MCTP2: variants seen among roughly 807,000 people sequenced by gnomAD.
MCTP2 encodes multiple C2 and transmembrane domain-containing protein 2.
Under a neutral mutation model 111.6 loss-of-function variants are expected in MCTP2, and 132 were observed. The observed-to-expected ratio is 1.18, with a 90% CI of 1.03 to 1.37. MCTP2 has a LOEUF of 1.37. Ranked by LOEUF, MCTP2 falls within the 40% of genes most tolerant of loss-of-function variation. MCTP2 has a pLI of 0.00. For missense variants in MCTP2, 1,183 were observed against 1,067.9 expected (o/e 1.11, Z -1.50); for synonymous variants, 395 against 387.7 (o/e 1.02, Z -0.22).
In MCTP2 at chr15:94,281,884, G is replaced by A. The variant is rs532729319; in HGVS notation, c.-65-16317G>A. The stretch of plus-strand genomic sequence containing the variant: ...TTTTTCATATACTGAATATAGGCCC[G>A]CAATTATTTCTACTGAAAGGCCCAT... On this transcript the variant is annotated intron_variant, in intron 1 of 22. Transcript: ENST00000357742. 1.5e-3 allele frequency among the ~76,000 whole-genome samples: 225 copies of A among 151,942 alleles called. 1 individual carries two copies. The highest frequency in any genetic ancestry group is 5.1e-3 in the African/African-American group (211 of 41,440).
chr15:94,379,211 A>G (rs958048224), intron 12 of MCTP2, among the ~76,000 whole-genome samples: 4 of 151,924 alleles, frequency 2.6e-5, no homozygotes, highest in Non-Finnish European at 5.9e-5. Flanking sequence ...CAGCCTAGTG[A>G]AGTTAGGAGT....
At chr15:94,248,110 G>A (rs1333933874) in intron 1 of MCTP2, among the ~76,000 whole-genome samples, 1 of 152,182 alleles carries the variant, frequency 6.6e-6, no homozygotes, top group Non-Finnish European at 1.5e-5. Flanking sequence ...ACACTAGAAG[G>A]TCAGGATTAG....
chr15:94,400,955 A>C (rs536028582), intron 16 of MCTP2, among the ~76,000 whole-genome samples: 2 of 152,232 alleles, frequency 1.3e-5, no homozygotes, highest in Non-Finnish European at 2.9e-5. Context: ...GTGTAATCTG[A>C]GTAAATGTCT....
At chr15:94,326,823 C>A (rs184122643) in intron 4 of MCTP2, among the ~76,000 whole-genome samples, 1,055 of 98,962 alleles carry the variant, frequency 0.011, 169 homozygotes, top group Non-Finnish European at 0.016. Context: ...GCCCCACCCC[C>A]CCCCAACCTC....
At chr15:94,306,962 C>T (rs554576230) in intron 2 of MCTP2, among the ~76,000 whole-genome samples, 43 of 152,256 alleles carry the variant, frequency 2.8e-4, no homozygotes, top group East Asian at 1.9e-3. Context: ...ACTTCAATGA[C>T]GTCATTTTTA....
At chr15:94,319,893 T>C (rs2076548584) in intron 4 of MCTP2, among the ~76,000 whole-genome samples, 1 of 152,222 alleles carries the variant, frequency 6.6e-6, no homozygotes. Flanking sequence ...TTATAACGTG[T>C]TCTCCAATTC....
intron 22 of MCTP2, among the ~76,000 whole-genome samples, chr15:94,477,583 G>T (rs2074468358): frequency 6.6e-6 from 1 of 152,192 alleles, no homozygotes; most frequent in Non-Finnish European, 1.5e-5. Context: ...ATATCATCAA[G>T]ATGATCAAAG....
chr15:94,262,852 G>A (rs974230981), intron 1 of MCTP2, among the ~76,000 whole-genome samples: 8 of 152,126 alleles, frequency 5.3e-5, no homozygotes, highest in African/African-American at 1.9e-4. Context: ...TATATTTTTA[G>A]TAGAGGCAGG....
rs2080790731 is a variant in MCTP2, at chr15:94,390,058, A to ATG, written c.1788+4534_1788+4535insGT. ...TGGTGAATGTTCAAGGCATATATAT[A>ATG]TATATATATATATATATATATATAT... On this transcript the variant is annotated intron_variant, in intron 14 of 22. Coordinates refer to ENST00000357742, the MANE Select transcript of MCTP2 (RefSeq NM_001385001.1). 8.7e-5 allele frequency among the ~76,000 whole-genome samples: 2 copies of ATG among 22,912 alleles called. 1 individual carries two copies. Among genetic ancestry groups the ATG allele is most frequent in the Non-Finnish European group, 2.0e-4 (2 of 9,838 alleles). 15.0% of individuals were successfully genotyped at this position (22,912 alleles called of 152,430 possible). A position where few individuals can be genotyped will look rare whatever the true frequency, so the allele number is the denominator to read the frequency against.
intron 17 of MCTP2, among the ~76,000 whole-genome samples, chr15:94,430,577 C>CAA (rs11289166): frequency 3.1e-4 from 30 of 96,660 alleles, no homozygotes; most frequent in African/African-American, 6.6e-4. Context: ...ACTAAAAATA[C>CAA]AAAAAAAAAA....
Position 94,315,553 on chromosome 15 carries a change from TTGAG to T in MCTP2, c.555_558del (p.Ser186ThrfsTer14). Reference sequence around the variant, plus strand: ...GGTACCGGGGGAAGCCAGTGATGGCTTGAGTAACCTCCCCAGCCCTTTTGCGTAC... The same window carrying T: ...GGTACCGGGGGAAGCCAGTGATGGCTTAACCTCCCCAGCCCTTTTGCGTAC... On this transcript the variant is annotated frameshift_variant, in exon 4 of 23. Coordinates refer to ENST00000357742, the MANE Select transcript of MCTP2 (RefSeq NM_001385001.1). LOFTEE classifies it high-confidence loss of function. 6.2e-7 allele frequency: 1 copy of T among 1,614,056 alleles called. No individual in the cohort carries two copies. The highest frequency in any genetic ancestry group is 1.6e-4 in the Middle Eastern group (1 of 6,062).
chr15:94,285,728 A>G (rs1299143429), intron 1 of MCTP2, among the ~76,000 whole-genome samples: 3 of 152,142 alleles, frequency 2.0e-5, no homozygotes, highest in Admixed American at 6.5e-5. Context: ...CTCCAAGCAC[A>G]CTATATGAAT....
intron 8 of MCTP2, among the ~76,000 whole-genome samples, chr15:94,348,185 T>G (rs1596434687): frequency 6.6e-6 from 1 of 151,852 alleles, no homozygotes; most frequent in East Asian, 1.9e-4. Context: ...CTGTTTGGTT[T>G]TATATTCTTT....
chr15:94,453,539 T>G (rs1465964425), intron 19 of MCTP2, among the ~76,000 whole-genome samples: 1 of 152,198 alleles, frequency 6.6e-6, no homozygotes, highest in Non-Finnish European at 1.5e-5. Flanking sequence ...ATAGGGTAGG[T>G]GTATGTTAAA....
At chr15:94,298,061 G>A (rs963434073) in intron 1 of MCTP2, 140 bp from the exon 2 acceptor site, 4 of 439,428 alleles carry the variant, frequency 9.1e-6, no homozygotes, top group South Asian at 5.8e-5. Context: ...CCAATCAAAT[G>A]TTGCAGTCTT....
chr15:94,294,071 G>A (rs1247165121), intron 1 of MCTP2, among the ~76,000 whole-genome samples: 2 of 152,200 alleles, frequency 1.3e-5, no homozygotes, highest in African/African-American at 4.8e-5. Context: ...GCAACTGGAT[G>A]AATCTCAAAG....
At chr15:94,311,618 T>C (rs1427854720) in intron 2 of MCTP2, among the ~76,000 whole-genome samples, 1 of 152,136 alleles carries the variant, frequency 6.6e-6, no homozygotes, top group Non-Finnish European at 1.5e-5. Flanking sequence ...TATCTTGGTG[T>C]TTATATATGG....
At chr15:94,306,282 G>A (rs970766144) in intron 2 of MCTP2, among the ~76,000 whole-genome samples, 26 of 152,212 alleles carry the variant, frequency 1.7e-4, no homozygotes, top group African/African-American at 4.8e-4. Context: ...CCAGCCACAA[G>A]CACCTAACAA....
rs1237262174 is a variant in MCTP2 at position 94,330,788 on chromosome 15, G to A, written c.638-8502G>A. 5.3e-5 allele frequency among the ~76,000 whole-genome samples: 8 copies of A among 152,108 alleles called. 1 individual carries two copies. Among genetic ancestry groups the A allele is most frequent in the African/African-American group, 1.9e-4 (8 of 41,436 alleles). On this transcript the variant is annotated intron_variant, in intron 4 of 22. Coordinates refer to ENST00000357742, the MANE Select transcript of MCTP2 (RefSeq NM_001385001.1). Reference sequence around the variant, plus strand: ...CTCACTCTGTTGCCCAGGCTGGAGTGCAGTGGTACAATCTTGGCTCACTGC... The same window carrying A: ...CTCACTCTGTTGCCCAGGCTGGAGTACAGTGGTACAATCTTGGCTCACTGC...
Sources: gnomAD v4.1 joint callset for allele counts (sites outside exome capture counted in the v4.1 genomes callset) on GRCh38, gnomAD v4.1.1 for gene constraint, MANE v1.5 for transcripts, NCBI Gene and HGNC (gene_info 2026-07-23, HGNC 2026-07-21) for gene names.